CLPTM1L: variants seen among roughly 807,000 people sequenced by gnomAD.
CLPTM1L encodes lipid scramblase CLPTM1L.
CLPTM1L carries 38 observed loss-of-function variants against 70.9 expected under a neutral mutation model. The ratio of observed to expected loss-of-function variants is 0.54; its 90% CI spans 0.41 to 0.70. The LOEUF is 0.70. CLPTM1L is among the 30% of genes least tolerant of loss of function. The pLI is 0.00. For synonymous variants in CLPTM1L, 339 were observed against 299.9 expected, an observed-to-expected ratio of 1.13 and a Z score of -1.35; for missense variants, 652 against 705.9, an observed-to-expected ratio of 0.92 and a Z score of 0.87.
chr5:1,340,822 G>T (rs555542654), intron 3 of CLPTM1L, among the ~76,000 whole-genome samples: 1 of 152,134 alleles, frequency 6.6e-6, no homozygotes, highest in East Asian at 1.9e-4. Flanking sequence ...TCCCTCTGTC[G>T]CCCAGGCTGG....
At chr5:1,328,781 TCC>T (rs1752840317) in intron 9 of CLPTM1L, among the ~76,000 whole-genome samples, 4 of 150,702 alleles carry the variant, frequency 2.7e-5, no homozygotes, top group Non-Finnish European at 4.4e-5. Flanking sequence ...ATCCAGATCC[TCC>T]TCTACAGACA....
Position 1,321,799 on chromosome 5 carries a change from G to A in CLPTM1L, c.1336C>T (p.Leu446Phe). 1 of 1,614,082 alleles carries A rather than the reference G, an allele frequency of 6.2e-7. No individual in the cohort carries two copies. The highest frequency in any genetic ancestry group is 8.5e-7 in the Non-Finnish European group (1 of 1,180,008). Reference protein sequence around the residue: ...FVNGVYAFGFLFMLPQLFVNY... With the variant: ...FVNGVYAFGFFFMLPQLFVNY... ...ACAAAGAGCTGGGGCAGCATGAAGAGGAAACCAAAGGCATAGACCCCTGCA... is the reference window on the plus strand; with the variant it reads ...ACAAAGAGCTGGGGCAGCATGAAGAAGAAACCAAAGGCATAGACCCCTGCA... Residue 446 changes from leucine (L) to phenylalanine (F), a missense_variant, in exon 14 of 17, where the codon CTC (leucine) becomes TTC (phenylalanine). Coordinates refer to ENST00000320895, the MANE Select transcript of CLPTM1L (RefSeq NM_030782.5).
At chr5:1,332,924 A>T (rs1319104746) in intron 7 of CLPTM1L, among the ~76,000 whole-genome samples, 3 of 152,104 alleles carry the variant, frequency 2.0e-5, no homozygotes, top group African/African-American at 7.2e-5. Flanking sequence ...ACACCAGATG[A>T]GGATAAGGGG....
At chr5:1,328,943 C>CCATCCAGCTCCTCCTCTACAGACACATTG (rs1752872179) in intron 9 of CLPTM1L, among the ~76,000 whole-genome samples, 1 of 143,694 alleles carries the variant, frequency 7.0e-6, no homozygotes, top group Admixed American at 6.9e-5. Flanking sequence ...CAGGGACATT[C>CCATCCAGCTCCTCCTCTACAGACACATTG]CATCCAGCTC....
At chr5:1,331,761 G>A (rs1002173904) in intron 8 of CLPTM1L, 38 bp downstream of exon 8, 3 of 1,578,860 alleles carry the variant, frequency 1.9e-6, no homozygotes, top group Non-Finnish European at 1.7e-6. Context: ...GCTCCCTGGG[G>A]CAGAGTATCT....
chr5:1,327,675 C>G (rs1752708510), intron 9 of CLPTM1L, among the ~76,000 whole-genome samples: 1 of 149,944 alleles, frequency 6.7e-6, no homozygotes, highest in South Asian at 2.1e-4. Context: ...TCATCCAGCT[C>G]CTCCTCTACA....
At position 1,337,888 on chromosome 5, in the gene CLPTM1L, C is replaced by T; in HGVS notation, c.678+16G>A. The T allele has an allele frequency of 6.3e-7, 1 of 1,577,540 alleles. No individual in the cohort carries two copies. The highest frequency in any genetic ancestry group is 1.9e-5 in the Admixed American group (1 of 52,306). On this transcript the variant is annotated intron_variant, in intron 5 of 16. Coordinates refer to ENST00000320895, the MANE Select transcript of CLPTM1L (RefSeq NM_030782.5). ...TCTCGCCAGCTGCACAACCAGCGGG[C>T]AGAGGTGTCACTCACCATCAGGTCC...
chr5:1,318,359 C>T lies in CLPTM1L; in HGVS notation c.*10G>A, dbSNP rs766413438. The T allele has an allele frequency of 1.6e-5, 25 of 1,611,454 alleles. No individual in the cohort carries two copies. The highest frequency in any genetic ancestry group is 3.3e-5 in the South Asian group (3 of 90,916). On this transcript the variant is annotated 3_prime_UTR_variant, in exon 17 of 17. Transcript: ENST00000320895. This position sits in a 1 kb window ranked among gnomAD's most constrained non-coding sequence, Gnocchi z 8.9. ...AAGTTGCACTTGGCTGGCGGCAGCC[C>T]GGGCGGCCTTCAGTCCGTGTGGGGC...
chr5:1,324,801 T>C lies in CLPTM1L; in HGVS notation c.1159A>G (p.Ser387Gly), dbSNP rs148115229. 31 of 1,614,130 alleles carry C rather than the reference T, an allele frequency of 1.9e-5. No homozygotes were observed. In the African/African-American group the frequency reaches 4.1e-4, roughly 21 times the overall value. The change falls in exon 11 of 17, where the codon AGC becomes GGC. Residue 387 changes from serine (S) to glycine (G), a missense_variant. Ser to Gly is a moderately conservative substitution (Grantham distance 56). Transcript: ENST00000320895. ...LMPEFQFGTY[S>G]ESERKTEEYD... is the part of the protein sequence containing the mutation. ...TCCTCGGTTTTCCTCTCAGATTCGC[T>C]GTAAGTGCCAAACTGTTGTGAAATT...
At position 1,318,531 on chromosome 5, in the gene CLPTM1L, G is replaced by T. The variant is rs1751966028; in HGVS notation, c.1533-78C>A. Reference sequence around the variant, plus strand: ...TCTAAGAGGAGGACTTGGCATCCTCGATTTATTTTCCAGTGAGCTGCCACA... The same window carrying T: ...TCTAAGAGGAGGACTTGGCATCCTCTATTTATTTTCCAGTGAGCTGCCACA... On this transcript the variant is annotated intron_variant, in intron 16 of 16. Coordinates refer to ENST00000320895, the MANE Select transcript of CLPTM1L (RefSeq NM_030782.5). The surrounding 1 kb of genome is among the most constrained non-coding windows in gnomAD (Gnocchi z 8.9). 1 of 1,207,534 alleles carries T rather than the reference G, an allele frequency of 8.3e-7. No homozygotes were observed. The highest frequency in any genetic ancestry group is 1.2e-6 in the Non-Finnish European group (1 of 825,118). 74.8% of individuals were successfully genotyped at this position (1,207,534 alleles called of 1,614,324 possible). A position where few individuals can be genotyped will look rare whatever the true frequency, so the allele number is the denominator to read the frequency against.
rs372723069 is a variant in CLPTM1L at position 1,318,397 on chromosome 5, T to C, written c.1589A>G (p.Lys530Arg). 1.6e-5 allele frequency: 26 copies of C among 1,613,724 alleles called. No homozygotes were observed. The highest frequency in any genetic ancestry group is 2.2e-5 in the Non-Finnish European group (26 of 1,179,996). Residue 530 changes from lysine to arginine, a missense_variant, in exon 17 of 17, where the codon AAG (lysine) becomes AGG (arginine). Lys to Arg is a conservative substitution (Grantham distance 26). Coordinates refer to ENST00000320895, the MANE Select transcript of CLPTM1L (RefSeq NM_030782.5). The surrounding 1 kb of genome is among the most constrained non-coding windows in gnomAD (Gnocchi z 8.9). Reference protein sequence around the residue: ...VNEFGESYEEKATRAPHTD With the variant: ...VNEFGESYEERATRAPHTD ...GTCCGTGTGGGGCGCCCGCGTGGCC[T>C]TCTCCTCGTAGGACTCCCCAAACTC... is the stretch of plus-strand genomic sequence containing the variant.
intron 9 of CLPTM1L, 187 bp from the exon 10 acceptor site, chr5:1,326,003 C>A: frequency 3.4e-6 from 2 of 582,308 alleles, no homozygotes; most frequent in Non-Finnish European, 6.1e-6. Context: ...AACCCACACA[C>A]GGCAGGCGTA....
intron 7 of CLPTM1L, among the ~76,000 whole-genome samples, chr5:1,333,566 G>A (rs1753307446): frequency 6.6e-6 from 1 of 151,592 alleles, no homozygotes; most frequent in African/African-American, 2.4e-5. Flanking sequence ...CACCGGATGA[G>A]GATAAGGGGA....
chr5:1,325,532 G>A (rs912383508), intron 10 of CLPTM1L: 12 of 563,784 alleles, frequency 2.1e-5, no homozygotes, highest in South Asian at 5.1e-5. Context: ...AAGTGCTGCC[G>A]TCTGCACTGA....
intron 11 of CLPTM1L, chr5:1,324,101 TAAC>T: frequency 1.8e-6 from 1 of 556,836 alleles, no homozygotes. Context: ...AGGCGCTAGT[TAAC>T]AATAATAGAT....
chr5:1,337,240 T>C (rs1434588712), intron 5 of CLPTM1L, among the ~76,000 whole-genome samples: 5 of 152,214 alleles, frequency 3.3e-5, no homozygotes, highest in African/African-American at 1.2e-4. Context: ...CTTAGCACAG[T>C]GCCTCATGTG....
At chr5:1,331,470 C>T in intron 8 of CLPTM1L, 1 of 420,888 alleles carries the variant, frequency 2.4e-6, no homozygotes, top group Non-Finnish European at 4.4e-6. Flanking sequence ...TGCTCAGCGC[C>T]CATGAGCAGC....
intron 9 of CLPTM1L, among the ~76,000 whole-genome samples, chr5:1,327,963 C>T (rs1224542871): frequency 4.2e-5 from 1 of 23,720 alleles, no homozygotes; most frequent in African/African-American, 1.6e-4. Flanking sequence ...TTCCATCCAG[C>T]TCCTCCTCTA....
At chr5:1,337,603 T>C (rs147728119) in intron 5 of CLPTM1L, among the ~76,000 whole-genome samples, 2 of 152,262 alleles carry the variant, frequency 1.3e-5, no homozygotes, top group African/African-American at 4.8e-5. Flanking sequence ...GGTGCTCATG[T>C]GCCTGCTCTC....
Sources: allele counts gnomAD v4.1 joint callset (sites outside exome capture counted in the v4.1 genomes callset), GRCh38; gene constraint gnomAD v4.1.1; non-coding constraint Gnocchi (gnomAD v3.1); transcripts MANE v1.5; gene names NCBI Gene and HGNC (gene_info 2026-07-23, HGNC 2026-07-21).